The following MTFR1 variants were observed in gnomAD, a reference collection of about 807,000 sequenced individuals.
MTFR1 encodes chondrocyte protein with a poly-proline region.
Under a neutral mutation model 38.8 loss-of-function variants are expected in MTFR1, and 28 were observed. The ratio of observed to expected loss-of-function variants is 0.72; its 90% CI spans 0.53 to 0.99. The LOEUF (loss-of-function observed/expected upper bound fraction) is 0.99. Ranked by LOEUF, MTFR1 falls within the 50% of genes least tolerant of loss-of-function variation. The pLI is 0.00. For synonymous variants in MTFR1, 145 were observed against 137.0 expected (o/e 1.06, Z -0.41); for missense variants, 358 against 395.5 (o/e 0.91, Z 0.81).
chr8:65,705,496 T>C (rs1470373289), intron 5 of MTFR1, among the ~76,000 whole-genome samples: 2 of 152,222 alleles, frequency 1.3e-5, no homozygotes, highest in African/African-American at 4.8e-5. Flanking sequence ...TGAATTGCTA[T>C]ATAGTGGATG....
intron 3 of MTFR1, chr8:65,728,303 T>A (rs1316547993): frequency 1.3e-5 from 2 of 151,908 alleles, no homozygotes; most frequent in African/African-American, 4.8e-5. Context: ...CTGAAAATTT[T>A]AAAAATGAGA....
intron 1 of MTFR1, among the ~76,000 whole-genome samples, chr8:65,655,905 C>T (rs548649343): frequency 2.0e-4 from 23 of 113,268 alleles, no homozygotes; most frequent in South Asian, 7.9e-4. Context: ...GCTGAGATCA[C>T]GCCATTGCAC....
chr8:65,682,190 T>G, intron 2 of MTFR1, 163 bp from the exon 3 acceptor site: 1 of 309,494 alleles, frequency 3.2e-6, no homozygotes, highest in Non-Finnish European at 5.9e-6. Context: ...TATATATTCT[T>G]TATTTTTGGA....
intron 1 of MTFR1, among the ~76,000 whole-genome samples, chr8:65,652,049 C>T (rs993450534): frequency 2.0e-5 from 3 of 152,014 alleles, no homozygotes; most frequent in African/African-American, 7.2e-5. Context: ...TCAGGAGGCC[C>T]TCCTGCCTCA....
chr8:65,658,580 C>T (rs926845161), intron 1 of MTFR1, among the ~76,000 whole-genome samples: 2 of 152,090 alleles, frequency 1.3e-5, no homozygotes, highest in African/African-American at 4.8e-5. Context: ...ATCTTCATAA[C>T]ACTTGTAGGA....
chr8:65,655,957 TATATATATATACC>T lies in MTFR1; in HGVS notation c.-81+11185_-81+11197del, dbSNP rs200591911. Among the ~76,000 whole-genome samples, 54 of 35,214 alleles carry T rather than the reference TATATATATATACC, an allele frequency of 1.5e-3. 5 individuals are homozygous for T. Among genetic ancestry groups the T allele is most frequent in the African/African-American group, 8.8e-3 (32 of 3,648 alleles). The allele number at this position is 35,214 out of a possible 152,430, so 23.1% of individuals were successfully genotyped here. A position where few individuals can be genotyped will look rare whatever the true frequency, so the allele number is the denominator to read the frequency against. On this transcript the variant is annotated intron_variant, in intron 1 of 7. Coordinates refer to ENST00000262146, the MANE Select transcript of MTFR1 (RefSeq NM_014637.4). ...ACTCTGTCTTAAAAAAAAAAATATATATATATATATACCATATATATATATATGGTAGTGGGTT... is the reference window on the plus strand; with the variant it reads ...ACTCTGTCTTAAAAAAAAAAATATATATATATATATATATGGTAGTGGGTT...
intron 3 of MTFR1, chr8:65,723,340 C>A: frequency 2.5e-6 from 1 of 398,168 alleles, no homozygotes; most frequent in Non-Finnish European, 4.0e-6. Flanking sequence ...GCCTGTTCTG[C>A]AAAAATATAC....
chr8:65,667,590 G>A (rs979864421), intron 1 of MTFR1, among the ~76,000 whole-genome samples: 1 of 151,944 alleles, frequency 6.6e-6, no homozygotes, highest in African/African-American at 2.4e-5. Flanking sequence ...ACCATGCCCA[G>A]CTAATTTTTG....
chr8:65,735,855 C>T (rs917511168), intron 3 of MTFR1, among the ~76,000 whole-genome samples: 1 of 151,796 alleles, frequency 6.6e-6, no homozygotes, highest in South Asian at 2.1e-4. Context: ...TAACTCCTGA[C>T]CTCAGGTGAT....
chr8:65,689,496 T>C, intron 3 of MTFR1: 2 of 948,762 alleles, frequency 2.1e-6, no homozygotes, highest in Non-Finnish European at 2.8e-6. Flanking sequence ...ATTTTTGCTC[T>C]GAATGAAATG....
chr8:65,694,329 C>G lies in MTFR1; in HGVS notation c.281+570C>G, dbSNP rs563418378. ...ACCTCAGATGATCCACCCGCCTTGC[C>G]CTCCTAAAGTGCTGGGATTACAGAC... is the stretch of plus-strand genomic sequence containing the variant. On this transcript the variant is annotated intron_variant, in intron 4 of 7. Coordinates refer to ENST00000262146, the MANE Select transcript of MTFR1 (RefSeq NM_014637.4). 7.0e-4 allele frequency among the ~76,000 whole-genome samples: 106 copies of G among 152,120 alleles called. No homozygotes were observed. In the Middle Eastern group the frequency reaches 0.017, roughly 24 times the overall value.
At chr8:65,738,828 C>T (rs1050373649) in intron 3 of MTFR1, among the ~76,000 whole-genome samples, 4 of 152,322 alleles carry the variant, frequency 2.6e-5, no homozygotes, top group East Asian at 1.9e-4. Context: ...AAGTTTTAGC[C>T]TTCAAAAATT....
intron 3 of MTFR1, among the ~76,000 whole-genome samples, chr8:65,747,119 C>T (rs1318231551): frequency 6.6e-6 from 1 of 152,190 alleles, no homozygotes; most frequent in Non-Finnish European, 1.5e-5. Flanking sequence ...TCAAAAATCT[C>T]TCTCAATGCA....
Position 65,707,976 on chromosome 8 carries a change from A to G in MTFR1, c.898A>G (p.Lys300Glu). 6.2e-7 allele frequency: 1 copy of G among 1,613,418 alleles called. No homozygotes were observed. The highest frequency in any genetic ancestry group is 8.5e-7 in the Non-Finnish European group (1 of 1,179,862). The change falls in exon 7 of 8, where the codon AAG (lysine) becomes GAG (glutamate). Residue 300 changes from lysine to glutamate, a missense_variant. Coordinates refer to ENST00000262146, the MANE Select transcript of MTFR1 (RefSeq NM_014637.4). ...AGATGAAGTTGAAAAAGGAATTCCA[A>G]AGTCTGAATCAGAGGCCACCTCAGA... Reference protein sequence around the residue: ...SQDEVEKGIPKSESEATSERV... With the variant: ...SQDEVEKGIPESESEATSERV...
At chr8:65,775,919 T>C (rs1183917995), downstream of MTFR1, among the ~76,000 whole-genome samples, 1 of 152,158 alleles carries the variant, frequency 6.6e-6, no homozygotes, top group Non-Finnish European at 1.5e-5. Flanking sequence ...TGAGCCACCA[T>C]GCCCGGCCTC....
chr8:65,670,576 T>C (rs1197803962), intron 2 of MTFR1, among the ~76,000 whole-genome samples: 1 of 152,226 alleles, frequency 6.6e-6, no homozygotes, highest in Non-Finnish European at 1.5e-5. Flanking sequence ...AGAGCAAGTA[T>C]TGTGCCAAGT....
chr8:65,733,367 A>G (rs1806983576), intron 3 of MTFR1, among the ~76,000 whole-genome samples: 1 of 152,084 alleles, frequency 6.6e-6, no homozygotes, highest in Non-Finnish European at 1.5e-5. Context: ...CCATCTTTCC[A>G]CTTACCAGAT....
At chr8:65,649,273 C>T (rs60824178) in intron 1 of MTFR1, among the ~76,000 whole-genome samples, 29,112 of 151,942 alleles carry the variant, frequency 0.19, 2,934 homozygotes, top group Middle Eastern at 0.23. Context: ...CAACCTCCAC[C>T]TCCCAGGTTC....
chr8:65,726,803 C>T lies in MTFR1; in HGVS notation c.*48+7322C>T, dbSNP rs1485692738. ...CACCTGAACATAACAATTTTTAAAACTTTATAAAATTACTTTGCCAACTTA... is the reference window on the plus strand; with the variant it reads ...CACCTGAACATAACAATTTTTAAAATTTTATAAAATTACTTTGCCAACTTA... On this transcript the variant is annotated intron_variant, in intron 3 of 3. Transcript: ENST00000521247. 5 of 789,372 alleles carry T rather than the reference C, an allele frequency of 6.3e-6. No individual in the cohort carries two copies. In the East Asian group the frequency reaches 1.0e-4, roughly 16 times the overall value. 48.9% of individuals were successfully genotyped at this position (789,372 alleles called of 1,614,324 possible).
Sources: allele counts gnomAD v4.1 joint callset (sites outside exome capture counted in the v4.1 genomes callset), GRCh38; gene constraint gnomAD v4.1.1; transcripts MANE v1.5; gene names NCBI Gene and HGNC (gene_info 2026-07-23, HGNC 2026-07-21).